Variants in ZPBP observed in about 807,000 individuals in gnomAD.
ZPBP encodes zona pellucida-binding protein 1.
In ZPBP, 26 loss-of-function variants were observed where a neutral mutation model predicts 44.8. The observed-to-expected ratio is 0.58, with a 90% CI of 0.43 to 0.81. The LOEUF is 0.81. Among genes scored for constraint, ZPBP ranks in the 30% least tolerant of loss-of-function variants. The pLI is 0.00. For missense variants in ZPBP, 409 were observed against 434.0 expected (o/e 0.94, Z 0.51); for synonymous variants, 174 against 153.2 (o/e 1.14, Z -1.00).
chr7:49,904,042 G>T (rs1225048611), intron 1 of ZPBP, among the ~76,000 whole-genome samples: 3 of 152,094 alleles, frequency 2.0e-5, no homozygotes, highest in Non-Finnish European at 4.4e-5. Flanking sequence ...CTCTCCCCTT[G>T]GTGGTTGCCA....
chr7:50,008,026 T>G (rs962510244), intron 6 of ZPBP, among the ~76,000 whole-genome samples: 2 of 151,828 alleles, frequency 1.3e-5, no homozygotes, highest in African/African-American at 2.4e-5. Context: ...GAACAGCAAT[T>G]AGGCAAGAAA....
chr7:49,888,009 G>A (rs565879995), intron 2 of ZPBP, among the ~76,000 whole-genome samples: 16 of 152,308 alleles, frequency 1.1e-4, no homozygotes, highest in African/African-American at 3.4e-4. Context: ...TTGGTATCAT[G>A]TATTTGTCCT....
intron 7 of ZPBP, among the ~76,000 whole-genome samples, chr7:49,957,445 TC>T (rs748317594): frequency 5.3e-5 from 8 of 152,122 alleles, no homozygotes; most frequent in Non-Finnish European, 1.0e-4. Flanking sequence ...GAGGCTTGCT[TC>T]CCAGGGAAGT....
intron 5 of ZPBP, 126 bp from the exon 6 acceptor site, chr7:50,018,442 A>T: frequency 1.2e-6 from 1 of 806,728 alleles, no homozygotes; most frequent in Non-Finnish European, 1.9e-6. Flanking sequence ...CAATTTTCCT[A>T]GTGCTAAATG....
At chr7:50,079,583 C>T (rs914498591) in intron 3 of ZPBP, among the ~76,000 whole-genome samples, 18 of 151,248 alleles carry the variant, frequency 1.2e-4, no homozygotes, top group African/African-American at 4.4e-4. Flanking sequence ...GTTCTTGGTC[C>T]AAGAGTATAA....
chr7:49,982,225 A>G (rs1797027462), intron 7 of ZPBP, among the ~76,000 whole-genome samples: 2 of 108,056 alleles, frequency 1.9e-5, no homozygotes, highest in Non-Finnish European at 1.7e-5. Flanking sequence ...AATGTAATAT[A>G]TAATATATAA....
At chr7:50,076,081 A>G (rs1462106466) in intron 3 of ZPBP, among the ~76,000 whole-genome samples, 1 of 151,962 alleles carries the variant, frequency 6.6e-6, no homozygotes, top group African/African-American at 2.4e-5. Context: ...TATTCCTGTG[A>G]TGCGAGGATG....
At chr7:49,930,552 T>A (rs1294644322) in intron 1 of ZPBP, among the ~76,000 whole-genome samples, 3 of 152,136 alleles carry the variant, frequency 2.0e-5, no homozygotes, top group Non-Finnish European at 2.9e-5. Context: ...AGAAACTATT[T>A]CTATATATCA....
rs532238801 is a variant in ZPBP at position 50,093,214 on chromosome 7, G to C, written c.-20C>G. On this transcript the variant is annotated 5_prime_UTR_variant, in exon 1 of 8. Coordinates refer to ENST00000046087, the MANE Select transcript of ZPBP (RefSeq NM_007009.3). ...CTCCATCCACACGCCGCCGTCGCCTGCCCACCGTCCGCGCGGAAGGTCGTT... is the reference window on the plus strand; with the variant it reads ...CTCCATCCACACGCCGCCGTCGCCTCCCCACCGTCCGCGCGGAAGGTCGTT... 2.7e-6 allele frequency: 4 copies of C among 1,507,022 alleles called. No homozygotes were observed. The African/African-American group carries it at 5.8e-5, about 22-fold the overall frequency. The allele number at this position is 1,507,022 out of a possible 1,614,324, so 93.4% of individuals were successfully genotyped here.
chr7:49,988,705 C>A (rs931277545), intron 6 of ZPBP, among the ~76,000 whole-genome samples: 2 of 152,158 alleles, frequency 1.3e-5, no homozygotes, highest in Non-Finnish European at 2.9e-5. Flanking sequence ...AAAACTCTGA[C>A]AGGCAGTCTC....
At chr7:49,931,972 C>T (rs1343968575) in intron 1 of ZPBP, among the ~76,000 whole-genome samples, 6 of 152,220 alleles carry the variant, frequency 3.9e-5, no homozygotes, top group Non-Finnish European at 8.8e-5. Flanking sequence ...AGCCCCAAGC[C>T]TTGTAAATTT....
intron 5 of ZPBP, among the ~76,000 whole-genome samples, chr7:50,021,433 G>T (rs1799085623): frequency 6.6e-6 from 1 of 151,794 alleles, no homozygotes; most frequent in Non-Finnish European, 1.5e-5. Flanking sequence ...GCAAGCAAAA[G>T]AAAGAATTAG....
chr7:50,056,147 C>T (rs1168681418), intron 4 of ZPBP: 1 of 152,134 alleles, frequency 6.6e-6, no homozygotes, highest in African/African-American at 2.4e-5. Context: ...TAACAAATTA[C>T]CACAAACCTA....
intron 7 of ZPBP, among the ~76,000 whole-genome samples, chr7:49,947,997 T>C (rs1795174362): frequency 6.6e-6 from 1 of 152,216 alleles, no homozygotes; most frequent in Non-Finnish European, 1.5e-5. Flanking sequence ...CTGCAGCAAG[T>C]ATTGCCTGGC....
At chr7:49,886,371 AATC>A (rs1410995558) in intron 2 of ZPBP, among the ~76,000 whole-genome samples, 3 of 152,216 alleles carry the variant, frequency 2.0e-5, no homozygotes, top group Non-Finnish European at 4.4e-5. Flanking sequence ...GTAGCTTCTA[AATC>A]ATCATCTAAT....
chr7:49,845,065 A>G, the ZPBP span, among the ~76,000 whole-genome samples: 4 of 152,052 alleles, frequency 2.6e-5, no homozygotes, highest in African/African-American at 7.2e-5. Flanking sequence ...TCACTTATAA[A>G]TGGGAGCTGA....
intron 2 of ZPBP, among the ~76,000 whole-genome samples, chr7:49,882,326 T>G (rs1274684309): frequency 6.6e-6 from 1 of 152,160 alleles, no homozygotes; most frequent in Admixed American, 6.6e-5. Context: ...TGTTAGCACA[T>G]GGCAATAAAA....
At chr7:50,016,546 TAAAAG>T (rs1798831692) in intron 6 of ZPBP, among the ~76,000 whole-genome samples, 1 of 151,932 alleles carries the variant, frequency 6.6e-6, no homozygotes, top group Non-Finnish European at 1.5e-5. Flanking sequence ...CCCCTGAATG[TAAAAG>T]AAAAAAGAAT....
chr7:50,057,853 A>T, intron 4 of ZPBP, 136 bp downstream of exon 4: 1 of 776,188 alleles, frequency 1.3e-6, no homozygotes, highest in South Asian at 1.9e-5. Context: ...AAGTACTTAC[A>T]TAGGGAGGCA....
Sources: gnomAD v4.1 joint callset for allele counts (sites outside exome capture counted in the v4.1 genomes callset) on GRCh38, gnomAD v4.1.1 for gene constraint, MANE v1.5 for transcripts, NCBI Gene and HGNC (gene_info 2026-07-23, HGNC 2026-07-21) for gene names.